SYS1: variants seen among roughly 807,000 people sequenced by gnomAD.
SYS1 encodes protein SYS1 homolog.
In SYS1, 8 loss-of-function variants were observed where a neutral mutation model predicts 17.8. The ratio of observed to expected loss-of-function variants is 0.45; its 90% CI spans 0.26 to 0.81. The LOEUF is 0.81. Among genes scored for constraint, SYS1 ranks in the 40% least tolerant of loss-of-function variants. The probability of loss-of-function intolerance (pLI) is 0.16; values close to 1 mark genes in which losing one functional copy is unlikely to be tolerated. For synonymous variants in SYS1, 95 were observed against 90.9 expected, an observed-to-expected ratio of 1.05 and a Z score of -0.26; for missense variants, 161 against 203.9, an observed-to-expected ratio of 0.79 and a Z score of 1.28.
upstream of SYS1, chr20:45,363,059 T>A (rs998362551): frequency 2.0e-5 from 19 of 973,540 alleles, no homozygotes; most frequent in Non-Finnish European, 2.2e-5. Flanking sequence ...GCTATCCGGC[T>A]GCTTGTACCT....
chr20:45,376,557 C>G (rs1988740346), exon 4 of SYS1: 1 of 152,246 alleles, frequency 6.6e-6, no homozygotes, highest in African/African-American at 2.4e-5. Flanking sequence ...TATTTAACCT[C>G]TCAGAGCCTT....
chr20:45,370,592 T>A (rs1221627008), downstream of SYS1, among the ~76,000 whole-genome samples: 3 of 151,934 alleles, frequency 2.0e-5, no homozygotes, highest in Non-Finnish European at 4.4e-5. Flanking sequence ...GGGGGTACAA[T>A]GGGAAGCTCC....
chr20:45,375,438 T>C, exon 4 of SYS1: 1 of 1,614,150 alleles, frequency 6.2e-7, no homozygotes, highest in South Asian at 1.1e-5. Context: ...TGTACTCTTT[T>C]TTCTTAGGGT....
Position 45,367,924 on chromosome 20 carries a change from T to C in SYS1, c.*809T>C. 1.0e-6 allele frequency: 1 copy of C among 985,612 alleles called. No homozygotes were observed. The highest frequency in any genetic ancestry group is 1.2e-6 in the Non-Finnish European group (1 of 829,942). 61.1% of individuals were successfully genotyped at this position (985,612 alleles called of 1,614,324 possible). ...GACTCCAATTTTTTTTCCTGCCTTA[T>C]TTAGAATTCTTTGGCGGGAAGGGTA... On this transcript the variant is annotated 3_prime_UTR_variant, in exon 4 of 4. Transcript: ENST00000243918.
At chr20:45,363,482 G>T (rs199629465) in intron 1 of SYS1, 47 bp from the exon 2 acceptor site, 1 of 1,545,918 alleles carries the variant, frequency 6.5e-7, no homozygotes, top group Non-Finnish European at 8.7e-7. Flanking sequence ...GGGCGACGTT[G>T]CCATGGAGAC....
At chr20:45,373,509 T>G, downstream of SYS1, 3 of 244,332 alleles carry the variant, frequency 1.2e-5, no homozygotes, top group East Asian at 9.1e-5. Context: ...CCTTTTCCCT[T>G]TCTTGGGAAA....
In SYS1 at chr20:45,363,614, G is replaced by C. The variant is rs767995460; in HGVS notation, c.83G>C (p.Gly28Ala). Residue 28 changes from glycine to alanine, a missense_variant, in exon 2 of 4, where the codon GGC becomes GCC. Gly to Ala is a moderately conservative substitution (Grantham distance 60). Transcript: ENST00000243918. Reference sequence around the variant, plus strand: ...GTCCTCATGCAGACCGTGTATTACGGCTCGCTGGGCCTGTGGCTGGCGCTG... The same window carrying C: ...GTCCTCATGCAGACCGTGTATTACGCCTCGCTGGGCCTGTGGCTGGCGCTG... ...QIVLMQTVYY[G>A]SLGLWLALVD... 1 of 1,594,466 alleles carries C rather than the reference G, an allele frequency of 6.3e-7. No homozygotes were observed. Among genetic ancestry groups the C allele is most frequent in the Non-Finnish European group, 8.5e-7 (1 of 1,171,576 alleles).
chr20:45,369,455 TTAAA>T (rs888723870), downstream of SYS1, among the ~76,000 whole-genome samples: 8 of 152,228 alleles, frequency 5.3e-5, no homozygotes, highest in African/African-American at 9.6e-5. Flanking sequence ...AACAGTCTGG[TTAAA>T]TAGTTTATCA....
Position 45,369,019 on chromosome 20 carries a change from C to T in SYS1, c.*1904C>T. ...ATGGCCAAAAGTCACGTGATCCAAA[C>T]TTTTTTTCAGTAATATGGAGACTGA... On this transcript the variant is annotated 3_prime_UTR_variant, in exon 4 of 4. Transcript: ENST00000243918. 2.7e-6 allele frequency: 1 copy of T among 372,414 alleles called. No individual in the cohort carries two copies. Among genetic ancestry groups the T allele is most frequent in the Non-Finnish European group, 3.7e-6 (1 of 269,222 alleles). The allele number at this position is 372,414 out of a possible 1,614,324, so 23.1% of individuals were successfully genotyped here.
Position 45,363,182 on chromosome 20 carries a change from C to G in SYS1, c.-137C>G, listed in dbSNP as rs369739558. On this transcript the variant is annotated 5_prime_UTR_variant, in exon 1 of 4. Coordinates refer to ENST00000243918, the MANE Select transcript of SYS1 (RefSeq NM_033542.4). ...TTTCCTACGCAGCCGCTCCTGCCGC[C>G]GTGGTCGCTGGAGCTTTGCCTCTCT... is the stretch of plus-strand genomic sequence containing the variant. 9.5e-6 allele frequency: 10 copies of G among 1,051,776 alleles called. No homozygotes were observed. The highest frequency in any genetic ancestry group is 4.5e-4 in the Middle Eastern group (1 of 2,222). 65.2% of individuals were successfully genotyped at this position (1,051,776 alleles called of 1,614,324 possible).
chr20:45,366,790 C>A, intron 3 of SYS1, 85 bp from the exon 4 acceptor site: 1 of 1,115,036 alleles, frequency 9.0e-7, no homozygotes, highest in Non-Finnish European at 1.3e-6. Flanking sequence ...GACCACTATG[C>A]TGCCGTCCTA....
chr20:45,363,627 G>A lies in SYS1; in HGVS notation c.96G>A (p.Leu32=). 1 of 1,585,620 alleles carries A rather than the reference G, an allele frequency of 6.3e-7. No homozygotes were observed. Among genetic ancestry groups the A allele is most frequent in the Non-Finnish European group, 8.6e-7 (1 of 1,167,208 alleles). The change falls in exon 2 of 4, where the codon CTG becomes CTA. Residue 32 remains leucine, a synonymous_variant. Transcript: ENST00000243918. ...MQTVYYGSLG[L]WLALVDGLVR... ...CCGTGTATTACGGCTCGCTGGGCCT[G>A]TGGCTGGCGCTGGTGGACGGGCTAG...
chr20:45,373,980 G>C, downstream of SYS1: 1 of 1,613,938 alleles, frequency 6.2e-7, no homozygotes, highest in South Asian at 1.1e-5. Flanking sequence ...CCCTCTGCTC[G>C]CACCTCTGGC....
chr20:45,362,346 A>G, upstream of SYS1, among the ~76,000 whole-genome samples: 1 of 82,234 alleles, frequency 1.2e-5, no homozygotes, highest in Non-Finnish European at 2.4e-5. Flanking sequence ...AAACACTTGA[A>G]TTTTATTTAT....
chr20:45,364,869 A>G (rs1988359094), intron 2 of SYS1, among the ~76,000 whole-genome samples: 1 of 152,210 alleles, frequency 6.6e-6, no homozygotes, highest in Non-Finnish European at 1.5e-5. Context: ...CCAAAAAGTG[A>G]TAAGAATTAA....
At chr20:45,373,025 C>G (rs2741415), downstream of SYS1, 1 of 152,364 alleles carries the variant, frequency 6.6e-6, no homozygotes, top group African/African-American at 2.4e-5. Context: ...CCGGAGAGCT[C>G]TGTGCCCCTC....
downstream of SYS1, chr20:45,374,104 T>G: frequency 8.3e-7 from 1 of 1,207,524 alleles, no homozygotes; most frequent in Admixed American, 1.7e-5. Flanking sequence ...GGTGCTGTGG[T>G]GTCTGGTAGG....
At chr20:45,375,134 C>A in exon 4 of SYS1, 1 of 1,614,162 alleles carries the variant, frequency 6.2e-7, no homozygotes, top group Non-Finnish European at 8.5e-7. Context: ...CTGCACATCA[C>A]CCTGGGCGCC....
Position 45,368,753 on chromosome 20 carries a change from G to A in SYS1, c.*1638G>A, listed in dbSNP as rs769794910. 5.1e-6 allele frequency: 5 copies of A among 985,368 alleles called. No individual in the cohort carries two copies. Among genetic ancestry groups the A allele is most frequent in the Non-Finnish European group, 6.0e-6 (5 of 829,916 alleles). 61.0% of individuals were successfully genotyped at this position (985,368 alleles called of 1,614,324 possible). A position where few individuals can be genotyped will look rare whatever the true frequency, so the allele number is the denominator to read the frequency against. On this transcript the variant is annotated 3_prime_UTR_variant, in exon 4 of 4. Coordinates refer to ENST00000243918, the MANE Select transcript of SYS1 (RefSeq NM_033542.4). ...GGGTCTAGGAGGTAAGACCAGCTGG[G>A]ATGACCTTCCCTGGGTTAATCAATT...
Sources: gnomAD v4.1 joint callset for allele counts (sites outside exome capture counted in the v4.1 genomes callset) on GRCh38, gnomAD v4.1.1 for gene constraint, MANE v1.5 for transcripts, NCBI Gene and HGNC (gene_info 2026-07-23, HGNC 2026-07-21) for gene names.